The following GRIN2B variants were observed in gnomAD, a reference collection of about 807,000 sequenced individuals.
The protein encoded by GRIN2B is glutamate ionotropic receptor NMDA type subunit 2B, also known as glutamate receptor ionotropic, NMDA 2B.
Under a neutral mutation model 114.5 loss-of-function variants are expected in GRIN2B, and 5 were observed. The ratio of observed to expected loss-of-function variants is 0.04; its 90% CI spans 0.02 to 0.09. GRIN2B has a LOEUF of 0.09. Ranked by LOEUF, GRIN2B falls within the 10% of genes least tolerant of loss-of-function variation. The probability of loss-of-function intolerance (pLI) is 1.00; values close to 1 mark genes in which losing one functional copy is unlikely to be tolerated. For synonymous variants in GRIN2B, 787 were observed against 745.1 expected (o/e 1.06, Z -0.92); for missense variants, 1,108 against 1,943.5 (o/e 0.57, Z 8.08).
chr12:13,857,511 G>C (rs1865683307), intron 3 of GRIN2B, among the ~76,000 whole-genome samples: 1 of 152,106 alleles, frequency 6.6e-6, no homozygotes, highest in Non-Finnish European at 1.5e-5. Flanking sequence ...TAAGTTGAAA[G>C]TTAAGAAAAA....
intron 3 of GRIN2B, among the ~76,000 whole-genome samples, chr12:13,759,031 C>T (rs1258760987): frequency 1.0e-4 from 10 of 98,214 alleles, no homozygotes; most frequent in Admixed American, 3.2e-4. Context: ...TTTTTTGAGA[C>T]GAAGTCTCAC....
At chr12:13,566,187 A>C (rs1948637084) in intron 13 of GRIN2B, among the ~76,000 whole-genome samples, 1 of 152,240 alleles carries the variant, frequency 6.6e-6, no homozygotes, top group African/African-American at 2.4e-5. Context: ...GAAAATGATG[A>C]AAAGATGAAA....
rs777555083 is a variant in GRIN2B at position 13,569,809 on chromosome 12, C to T, written c.2359+21G>A. 5.2e-6 allele frequency: 8 copies of T among 1,535,884 alleles called. No homozygotes were observed. The South Asian group carries it at 7.2e-5, about 14-fold the overall frequency. Reference sequence around the variant, plus strand: ...GCCATCAGTAGAGGACAAATGGGCACTTTCCCTTTCTTGAACTCACCATCT... The same window carrying T: ...GCCATCAGTAGAGGACAAATGGGCATTTTCCCTTTCTTGAACTCACCATCT... On this transcript the variant is annotated intron_variant, in intron 12 of 13. Transcript: ENST00000609686.
At chr12:13,752,552 A>G (rs898828978) in intron 4 of GRIN2B, among the ~76,000 whole-genome samples, 5 of 152,180 alleles carry the variant, frequency 3.3e-5, no homozygotes, top group African/African-American at 1.2e-4. Flanking sequence ...TTTTATACAA[A>G]TAATAAAACC....
chr12:13,863,970 A>C (rs941280846), intron 3 of GRIN2B, among the ~76,000 whole-genome samples: 1 of 152,228 alleles, frequency 6.6e-6, no homozygotes, highest in African/African-American at 2.4e-5. Context: ...CTGTTAAAAT[A>C]AAATATAATT....
chr12:13,878,551 G>C (rs1185692364), intron 2 of GRIN2B, among the ~76,000 whole-genome samples: 1 of 152,198 alleles, frequency 6.6e-6, no homozygotes, highest in African/African-American at 2.4e-5. Flanking sequence ...TCTGTGTTCT[G>C]CTGTGACTAT....
At chr12:13,919,996 C>T (rs1866795852) in intron 2 of GRIN2B, among the ~76,000 whole-genome samples, 1 of 152,120 alleles carries the variant, frequency 6.6e-6, no homozygotes. Flanking sequence ...GATTTTCTCC[C>T]TTCTGTCTTC....
intron 4 of GRIN2B, among the ~76,000 whole-genome samples, chr12:13,696,089 C>T (rs1350988526): frequency 6.6e-6 from 1 of 152,104 alleles, no homozygotes; most frequent in Non-Finnish European, 1.5e-5. Context: ...CAAAGGTGAG[C>T]TGACTGGTTC....
intron 2 of GRIN2B, among the ~76,000 whole-genome samples, chr12:13,916,683 A>ATC (rs1428586343): frequency 1.4e-5 from 2 of 142,348 alleles, no homozygotes; most frequent in South Asian, 2.3e-4. Flanking sequence ...CCCCATCTCT[A>ATC]TCTCTCTCTC....
At chr12:13,788,089 A>C (rs1315539858) in intron 3 of GRIN2B, among the ~76,000 whole-genome samples, 1 of 152,202 alleles carries the variant, frequency 6.6e-6, no homozygotes, top group African/African-American at 2.4e-5. Flanking sequence ...GGAAGGATAA[A>C]ATATCAGGTT....
chr12:13,932,862 G>A (rs1172147886), intron 2 of GRIN2B, among the ~76,000 whole-genome samples: 1 of 152,126 alleles, frequency 6.6e-6, no homozygotes, highest in Non-Finnish European at 1.5e-5. Context: ...GATAAGGTAA[G>A]TAGAAAGACT....
At chr12:13,668,705 A>G (rs1949998296) in intron 5 of GRIN2B, among the ~76,000 whole-genome samples, 2 of 151,984 alleles carry the variant, frequency 1.3e-5, no homozygotes, top group Admixed American at 6.6e-5. Flanking sequence ...CATCAACCCA[A>G]TGTTAGATGG....
At chr12:13,830,576 CAGA>C (rs1420533842) in intron 3 of GRIN2B, among the ~76,000 whole-genome samples, 1 of 152,120 alleles carries the variant, frequency 6.6e-6, no homozygotes, top group Non-Finnish European at 1.5e-5. Context: ...AAGATCTTAT[CAGA>C]AGAAGGCCAA....
rs1329411654 is a variant in GRIN2B at position 13,561,930 on chromosome 12, T to C, written c.*853A>G. ...CAGGTAATACATGGCCATCTCTGTCTGTATATAAGCCAAACAATCACACTG... is the reference window on the plus strand; with the variant it reads ...CAGGTAATACATGGCCATCTCTGTCCGTATATAAGCCAAACAATCACACTG... On this transcript the variant is annotated 3_prime_UTR_variant, in exon 14 of 14. Transcript: ENST00000609686. 6.5e-6 allele frequency: 1 copy of C among 152,672 alleles called. No individual in the cohort carries two copies. The highest frequency in any genetic ancestry group is 1.5e-5 in the Non-Finnish European group (1 of 68,050). 9.5% of individuals were successfully genotyped at this position (152,672 alleles called of 1,614,324 possible). A position where few individuals can be genotyped will look rare whatever the true frequency, so the allele number is the denominator to read the frequency against.
intron 2 of GRIN2B, among the ~76,000 whole-genome samples, chr12:13,921,534 G>A (rs975040518): frequency 5.9e-5 from 9 of 152,216 alleles, no homozygotes; most frequent in South Asian, 2.1e-4. Flanking sequence ...CTGTAATTTC[G>A]AGTATCTTGA....
chr12:13,698,840 G>A (rs1016600937), intron 4 of GRIN2B, among the ~76,000 whole-genome samples: 1 of 151,990 alleles, frequency 6.6e-6, no homozygotes, highest in African/African-American at 2.4e-5. Flanking sequence ...GCACCACCAT[G>A]CCAGGCTAAC....
At chr12:13,895,041 C>T (rs1866331071) in intron 2 of GRIN2B, among the ~76,000 whole-genome samples, 1 of 152,274 alleles carries the variant, frequency 6.6e-6, no homozygotes, top group East Asian at 1.9e-4. Context: ...TATATAAAGG[C>T]ATATGTACTT....
chr12:13,779,191 G>A (rs1367796315), intron 3 of GRIN2B, among the ~76,000 whole-genome samples: 1 of 152,098 alleles, frequency 6.6e-6, no homozygotes, highest in Non-Finnish European at 1.5e-5. Context: ...TTACAGGTGT[G>A]CACCACCACA....
At chr12:13,611,365 C>T (rs1032517124) in intron 9 of GRIN2B, among the ~76,000 whole-genome samples, 6 of 152,186 alleles carry the variant, frequency 3.9e-5, no homozygotes, top group Non-Finnish European at 5.9e-5. Flanking sequence ...CATGTGTGTA[C>T]AATCTGCCTT....
Sources: gnomAD v4.1 joint callset for allele counts (sites outside exome capture counted in the v4.1 genomes callset) on GRCh38, gnomAD v4.1.1 for gene constraint, MANE v1.5 for transcripts, NCBI Gene and HGNC (gene_info 2026-07-23, HGNC 2026-07-21) for gene names.